Variants in FER1L6 observed in about 807,000 individuals in gnomAD.
FER1L6 encodes the protein fer-1-like protein 6.
A neutral mutation model predicts 219.2 loss-of-function variants in FER1L6; 177 were observed. The ratio of observed to expected loss-of-function variants is 0.81; its 90% CI spans 0.71 to 0.91. The LOEUF is 0.91. Ranked by LOEUF, FER1L6 falls within the 40% of genes least tolerant of loss-of-function variation. The pLI, the probability that FER1L6 is intolerant of heterozygous loss-of-function variation, is 0.00. For missense variants in FER1L6, 2,153 were observed against 2,259.9 expected (o/e 0.95, Z 0.96); for synonymous variants, 768 against 824.3 (o/e 0.93, Z 1.17).
chr8:123,868,323 T>C (rs1429500076), intron 1 of FER1L6, among the ~76,000 whole-genome samples: 1 of 152,112 alleles, frequency 6.6e-6, no homozygotes, highest in East Asian at 1.9e-4. Flanking sequence ...GATTTGGACA[T>C]TGAGGGAGGA....
At chr8:124,109,918 T>TA (rs1822948502) in intron 39 of FER1L6, among the ~76,000 whole-genome samples, 1 of 152,290 alleles carries the variant, frequency 6.6e-6, no homozygotes, top group African/African-American at 2.4e-5. Context: ...AGACTGAACA[T>TA]ACAAACAGCA....
intron 38 of FER1L6, among the ~76,000 whole-genome samples, chr8:124,102,431 T>C (rs1185450497): frequency 6.6e-6 from 1 of 152,208 alleles, no homozygotes; most frequent in Non-Finnish European, 1.5e-5. Context: ...GGGATAGTCA[T>C]AGAGAGAGGG....
At chr8:123,880,443 G>A (rs1166264568) in intron 1 of FER1L6, among the ~76,000 whole-genome samples, 3 of 152,144 alleles carry the variant, frequency 2.0e-5, no homozygotes, top group Non-Finnish European at 4.4e-5. Flanking sequence ...AGCTTTAGGC[G>A]GGACAAGCAG....
intron 1 of FER1L6, among the ~76,000 whole-genome samples, chr8:123,927,428 C>A (rs1813606681): frequency 6.6e-6 from 1 of 152,100 alleles, no homozygotes; most frequent in Non-Finnish European, 1.5e-5. Context: ...CTGTGCTGAC[C>A]CTTTGGGAAA....
At chr8:123,982,523 C>A (rs1412268818) in intron 11 of FER1L6, among the ~76,000 whole-genome samples, 1 of 152,096 alleles carries the variant, frequency 6.6e-6, no homozygotes, top group African/African-American at 2.4e-5. Flanking sequence ...TATTTCCCCT[C>A]CCTCCTCTCT....
chr8:123,919,207 G>C (rs977739790), intron 1 of FER1L6, among the ~76,000 whole-genome samples: 3 of 152,212 alleles, frequency 2.0e-5, no homozygotes, highest in Admixed American at 6.5e-5. Flanking sequence ...GTCCAGGCTT[G>C]CTAGAGCATA....
At chr8:124,110,289 C>A (rs1822968979) in intron 39 of FER1L6, among the ~76,000 whole-genome samples, 1 of 152,106 alleles carries the variant, frequency 6.6e-6, no homozygotes, top group African/African-American at 2.4e-5. Flanking sequence ...TAATCAATCC[C>A]AATTTTATAG....
chr8:124,031,451 C>T (rs1262933943), intron 18 of FER1L6, among the ~76,000 whole-genome samples: 1 of 152,178 alleles, frequency 6.6e-6, no homozygotes, highest in Non-Finnish European at 1.5e-5. Context: ...CTAGCTGCTT[C>T]TTGGCCTCTC....
At chr8:123,956,207 G>A in intron 2 of FER1L6, 133 bp downstream of exon 2, 1 of 806,686 alleles carries the variant, frequency 1.2e-6, no homozygotes, top group South Asian at 1.7e-5. Context: ...GACCCTTTAG[G>A]TCCTTCTAGT....
In FER1L6 at chr8:123,970,052, C is replaced by T; in HGVS notation, c.402C>T (p.Phe134=). The part of the protein sequence containing the change: ...PFYNEYFVFD[F]IGPQVHLFDK... ...TTTTGCAGTACTTTGTCTTCGACTT[C>T]ATTGGGCCCCAAGTGCATCTTTTTG... The change falls in exon 6 of 41, where the codon TTC becomes TTT. Residue 134 remains phenylalanine, a synonymous_variant. Transcript: ENST00000522917. 2.5e-6 allele frequency: 4 copies of T among 1,614,024 alleles called. No individual in the cohort carries two copies. The highest frequency in any genetic ancestry group is 3.4e-6 in the Non-Finnish European group (4 of 1,179,948).
intron 32 of FER1L6, among the ~76,000 whole-genome samples, chr8:124,078,128 C>G (rs1821372238): frequency 6.6e-6 from 1 of 152,152 alleles, no homozygotes; most frequent in Non-Finnish European, 1.5e-5. Flanking sequence ...ATCCCTAGCA[C>G]CTAGGACAGG....
chr8:124,049,810 T>A, intron 22 of FER1L6, 54 bp downstream of exon 22: 1 of 1,580,588 alleles, frequency 6.3e-7, no homozygotes. Flanking sequence ...GCCAGAGAAG[T>A]GGCCTCACCA....
chr8:124,006,107 G>GAAC (rs974153714), intron 13 of FER1L6, among the ~76,000 whole-genome samples: 10 of 152,326 alleles, frequency 6.6e-5, no homozygotes, highest in African/African-American at 2.4e-4. Context: ...ATCAGTGAGG[G>GAAC]AACAGCTGGA....
intron 34 of FER1L6, 32 bp downstream of exon 34, chr8:124,091,615 G>A: frequency 1.9e-6 from 3 of 1,597,732 alleles, no homozygotes; most frequent in Non-Finnish European, 8.5e-7. Flanking sequence ...TGCTGGTGTT[G>A]CTCTTCTTTT....
chr8:123,928,109 C>T (rs4871432), intron 1 of FER1L6, among the ~76,000 whole-genome samples: 64,540 of 151,950 alleles, frequency 0.42, 13,895 homozygotes, highest in South Asian at 0.53. Context: ...ATTTTCCTTA[C>T]GAAATCTTAA....
intron 19 of FER1L6, among the ~76,000 whole-genome samples, chr8:124,038,422 C>T (rs1244849370): frequency 6.6e-6 from 1 of 152,164 alleles, no homozygotes; most frequent in Non-Finnish European, 1.5e-5. Context: ...GCCACGTGTA[C>T]CTCTAATTCG....
At chr8:123,929,376 A>G (rs1029480114) in intron 1 of FER1L6, among the ~76,000 whole-genome samples, 3 of 152,216 alleles carry the variant, frequency 2.0e-5, no homozygotes, top group Non-Finnish European at 4.4e-5. Flanking sequence ...GAGAGGTTCA[A>G]TAATTTATCC....
rs1212859495 is a variant in FER1L6, at chr8:123,856,087, A to ATGAGATATATGTATATACATATGTG, written c.-8+3904_-8+3928dup. 1.2e-3 allele frequency among the ~76,000 whole-genome samples: 114 copies of ATGAGATATATGTATATACATATGTG among 98,588 alleles called. 1 individual carries two copies. The highest frequency in any genetic ancestry group is 3.9e-3 in the African/African-American group (106 of 27,038). The allele number at this position is 98,588 out of a possible 152,430, so 64.7% of individuals were successfully genotyped here. A position where few individuals can be genotyped will look rare whatever the true frequency, so the allele number is the denominator to read the frequency against. ...GAGATATATGTATATACATATGTGT[A>ATGAGATATATGTATATACATATGTG]TGAGATATATGTATATACATATGTG... is the stretch of plus-strand genomic sequence containing the variant. On this transcript the variant is annotated intron_variant, in intron 1 of 40. Transcript: ENST00000522917.
At chr8:124,037,649 T>G (rs1198684287) in intron 19 of FER1L6, among the ~76,000 whole-genome samples, 1 of 152,196 alleles carries the variant, frequency 6.6e-6, no homozygotes, top group African/African-American at 2.4e-5. Context: ...AGAGTGGGTC[T>G]GATATGGTTG....
Sources: allele counts gnomAD v4.1 joint callset (sites outside exome capture counted in the v4.1 genomes callset), GRCh38; gene constraint gnomAD v4.1.1; transcripts MANE v1.5; gene names NCBI Gene and HGNC (gene_info 2026-07-23, HGNC 2026-07-21).